SUMF1: variants seen among roughly 807,000 people sequenced by gnomAD.
SUMF1 encodes formylglycine-generating enzyme.
Under a neutral mutation model 47.6 loss-of-function variants are expected in SUMF1, and 48 were observed. The ratio of observed to expected loss-of-function variants is 1.01; its 90% confidence interval spans 0.80 to 1.28. The LOEUF is 1.28. SUMF1 is among the 50% of genes most tolerant of loss of function. The pLI, the probability that SUMF1 is intolerant of heterozygous loss-of-function variation, is 0.00. For synonymous variants in SUMF1, 230 were observed against 192.1 expected, an observed-to-expected ratio of 1.20 and a Z score of -1.63; for missense variants, 571 against 485.4, an observed-to-expected ratio of 1.18 and a Z score of -1.66.
chr3:4,103,182 C>G (rs982040473), intron 8 of SUMF1, among the ~76,000 whole-genome samples: 9 of 151,246 alleles, frequency 6.0e-5, no homozygotes, highest in Non-Finnish European at 1.3e-4. Context: ...CTCGGCCTCC[C>G]AAAGTGCTGA....
intron 8 of SUMF1, among the ~76,000 whole-genome samples, chr3:4,118,180 T>A (rs1693462716): frequency 6.6e-6 from 1 of 152,052 alleles, no homozygotes; most frequent in Non-Finnish European, 1.5e-5. Flanking sequence ...CTCTTTGTAC[T>A]CTTGACCATC....
At chr3:4,062,902 G>C (rs948404057) in intron 9 of SUMF1, among the ~76,000 whole-genome samples, 8 of 152,144 alleles carry the variant, frequency 5.3e-5, no homozygotes, top group African/African-American at 1.9e-4. Context: ...CTCAAATAAG[G>C]AGTTTTGTCT....
At chr3:4,347,170 C>T (rs939399717) in intron 8 of SUMF1, among the ~76,000 whole-genome samples, 1 of 152,324 alleles carries the variant, frequency 6.6e-6, no homozygotes, top group South Asian at 2.1e-4. Context: ...GAACTCTTCC[C>T]TAACTCATTT....
chr3:4,198,121 T>C (rs190406174), intron 8 of SUMF1, among the ~76,000 whole-genome samples: 10 of 152,130 alleles, frequency 6.6e-5, no homozygotes, highest in African/African-American at 2.2e-4. Flanking sequence ...AGCAATATTT[T>C]CTCTATATTA....
At chr3:4,200,246 G>A (rs1695513512) in intron 8 of SUMF1, among the ~76,000 whole-genome samples, 1 of 151,156 alleles carries the variant, frequency 6.6e-6, no homozygotes, top group Non-Finnish European at 1.5e-5. Context: ...CGGGATTAAG[G>A]GATACCTAGA....
chr3:4,073,902 A>G (rs926449244), intron 8 of SUMF1, among the ~76,000 whole-genome samples: 1 of 152,186 alleles, frequency 6.6e-6, no homozygotes, highest in Non-Finnish European at 1.5e-5. Flanking sequence ...AGACTGTAAC[A>G]ATCCACTGTC....
intron 8 of SUMF1, among the ~76,000 whole-genome samples, chr3:4,287,983 T>G (rs1037546039): frequency 1.3e-5 from 2 of 152,206 alleles, no homozygotes; most frequent in Non-Finnish European, 2.9e-5. Context: ...TCTGCTCATC[T>G]TTTTAGCTCC....
Position 4,441,959 on chromosome 3 carries a change from C to T in SUMF1, c.519+7307G>A, listed in dbSNP as rs558047295. 1.2e-3 allele frequency among the ~76,000 whole-genome samples: 189 copies of T among 152,318 alleles called. 1 individual carries two copies. Among genetic ancestry groups the T allele is most frequent in the African/African-American group, 4.4e-3 (181 of 41,564 alleles). On this transcript the variant is annotated intron_variant, in intron 3 of 8. Coordinates refer to ENST00000272902, the MANE Select transcript of SUMF1 (RefSeq NM_182760.4). ...CAGCAAATCCATGTGACAAAGTATCCTCACCAAACCCAGAACGCAAACAGG... is the reference window on the plus strand; with the variant it reads ...CAGCAAATCCATGTGACAAAGTATCTTCACCAAACCCAGAACGCAAACAGG...
intron 8 of SUMF1, among the ~76,000 whole-genome samples, chr3:4,254,850 AG>A (rs1227057441): frequency 6.6e-6 from 1 of 152,072 alleles, no homozygotes; most frequent in Non-Finnish European, 1.5e-5. Context: ...AAAAATATTA[AG>A]GGCAGCCAGA....
chr3:4,109,458 T>C (rs545683094), intron 8 of SUMF1, among the ~76,000 whole-genome samples: 1 of 152,100 alleles, frequency 6.6e-6, no homozygotes, highest in Admixed American at 6.5e-5. Context: ...TTTCCTGAAT[T>C]TGAATGTTGG....
At chr3:4,282,726 CAT>C (rs1047610300) in intron 8 of SUMF1, among the ~76,000 whole-genome samples, 10 of 152,164 alleles carry the variant, frequency 6.6e-5, no homozygotes, top group African/African-American at 2.4e-4. Context: ...ACTTAAAAGT[CAT>C]AAAACACTCT....
chr3:4,057,349 C>T (rs317535), intron 9 of SUMF1, among the ~76,000 whole-genome samples: 132,719 of 151,994 alleles, frequency 0.87, 60,675 homozygotes, highest in Non-Finnish European at 1. Flanking sequence ...CTGCATAAGG[C>T]GTGAGTTGGG....
intron 8 of SUMF1, among the ~76,000 whole-genome samples, chr3:4,341,984 A>G (rs1054275387): frequency 2.0e-5 from 3 of 152,206 alleles, no homozygotes; most frequent in Non-Finnish European, 4.4e-5. Context: ...CACGAATCCA[A>G]TTTGATTATA....
Position 4,328,879 on chromosome 3 carries a change from G to T in SUMF1, c.1014+47451C>A, listed in dbSNP as rs1698996539. 1.3e-5 allele frequency among the ~76,000 whole-genome samples: 2 copies of T among 152,156 alleles called. 1 individual carries two copies. The highest frequency in any genetic ancestry group is 1.3e-4 in the Admixed American group (2 of 15,282). ...TTAAAAGCAAGATAGCTACTTCCTAGATACAATGGGGGTACAGGCATTGGG... is the reference window on the plus strand; with the variant it reads ...TTAAAAGCAAGATAGCTACTTCCTATATACAATGGGGGTACAGGCATTGGG... On this transcript the variant is annotated intron_variant and NMD_transcript_variant, in intron 8 of 12. Transcript: ENST00000448413.
chr3:4,379,840 CAAAAAAAAAA>C (rs58264459), intron 7 of SUMF1, among the ~76,000 whole-genome samples: 1 of 76,882 alleles, frequency 1.3e-5, no homozygotes, highest in Non-Finnish European at 2.4e-5. Flanking sequence ...GCCTCCATCT[CAAAAAAAAAA>C]AAAAAAAAAA....
chr3:4,138,105 G>C (rs957328727), intron 8 of SUMF1, among the ~76,000 whole-genome samples: 5 of 152,024 alleles, frequency 3.3e-5, no homozygotes, highest in African/African-American at 9.7e-5. Flanking sequence ...ATTTAAAAAG[G>C]TTTGGGTCTT....
chr3:4,390,173 T>C (rs993214494), intron 7 of SUMF1, among the ~76,000 whole-genome samples: 14 of 152,208 alleles, frequency 9.2e-5, no homozygotes, highest in African/African-American at 3.4e-4. Context: ...AATCAGAAGT[T>C]CAGGTTCCTT....
In SUMF1 at chr3:4,237,989, T is replaced by G. The variant is rs551104267; in HGVS notation, c.1014+138341A>C. Among the ~76,000 whole-genome samples, 27 of 152,178 alleles carry G rather than the reference T, an allele frequency of 1.8e-4. No individual in the cohort carries two copies. In the East Asian group the frequency reaches 4.4e-3, roughly 25 times the overall value. On this transcript the variant is annotated intron_variant and NMD_transcript_variant, in intron 8 of 12. Transcript: ENST00000448413. ...TGTTCCCCTCCCTGTTTCCATGTGT[T>G]CTCATTGTTCAACTCCCACTTATGA...
At chr3:4,445,579 A>G (rs1387529967) in intron 3 of SUMF1, among the ~76,000 whole-genome samples, 1 of 152,104 alleles carries the variant, frequency 6.6e-6, no homozygotes, top group African/African-American at 2.4e-5. Context: ...TCCTGGCCTC[A>G]GGTGAACATC....
Sources: allele counts gnomAD v4.1 joint callset (sites outside exome capture counted in the v4.1 genomes callset), GRCh38; gene constraint gnomAD v4.1.1; transcripts MANE v1.5; gene names NCBI Gene and HGNC (gene_info 2026-07-23, HGNC 2026-07-21).